CAPSL: variants seen among roughly 807,000 people sequenced by gnomAD.
CAPSL encodes the protein calcyphosine like.
Under a neutral mutation model 21.3 loss-of-function variants are expected in CAPSL, and 17 were observed. The ratio of observed to expected loss-of-function variants is 0.80; its 90% CI spans 0.55 to 1.20. CAPSL has a LOEUF of 1.20. Among genes scored for constraint, CAPSL ranks in the 50% most tolerant of loss-of-function variants. The pLI is 0.00. For missense variants in CAPSL, 289 were observed against 259.3 expected (o/e 1.11, Z -0.79); for synonymous variants, 102 against 89.3 (o/e 1.14, Z -0.80).
At chr5:35,924,621 T>A (rs1178059736) in intron 1 of CAPSL, among the ~76,000 whole-genome samples, 3 of 152,178 alleles carry the variant, frequency 2.0e-5, no homozygotes, top group Non-Finnish European at 2.9e-5. Flanking sequence ...ATAGTAAGCA[T>A]CCCTTTTAAT....
At chr5:35,927,433 A>G (rs1738714851) in intron 1 of CAPSL, among the ~76,000 whole-genome samples, 4 of 152,202 alleles carry the variant, frequency 2.6e-5, no homozygotes, top group Admixed American at 2.6e-4. Context: ...TGTGCTTTGA[A>G]AACATTTTAC....
At chr5:35,930,880 C>A (rs144614439) in intron 1 of CAPSL, among the ~76,000 whole-genome samples, 17 of 152,272 alleles carry the variant, frequency 1.1e-4, no homozygotes, top group Non-Finnish European at 1.0e-4. Context: ...AAGGAAAGTG[C>A]TGAGAGCTCT....
chr5:35,921,739 C>A (rs1231334427), intron 1 of CAPSL, among the ~76,000 whole-genome samples: 4 of 152,158 alleles, frequency 2.6e-5, no homozygotes, highest in Non-Finnish European at 5.9e-5. Flanking sequence ...AAAGCTTGCA[C>A]AACAGTGGGA....
intron 1 of CAPSL, among the ~76,000 whole-genome samples, chr5:35,931,824 C>A (rs1006797248): frequency 6.6e-6 from 1 of 152,114 alleles, no homozygotes; most frequent in Non-Finnish European, 1.5e-5. Flanking sequence ...TAAGACCAAC[C>A]AGGTAGCTTT....
chr5:35,921,422 A>G (rs146925519), intron 1 of CAPSL, among the ~76,000 whole-genome samples: 72 of 152,268 alleles, frequency 4.7e-4, no homozygotes, highest in African/African-American at 1.6e-3. Context: ...CAATTTCTCT[A>G]TACTCTCTTT....
chr5:35,906,421 G>T (rs1023866811), intron 4 of CAPSL, among the ~76,000 whole-genome samples: 2 of 152,070 alleles, frequency 1.3e-5, no homozygotes, highest in Non-Finnish European at 1.5e-5. Flanking sequence ...AATTTGACAT[G>T]AATTTCTAGG....
rs561792460 is a variant in CAPSL at position 35,915,584 on chromosome 5, A to G, written c.138-5041T>C. On this transcript the variant is annotated intron_variant, in intron 2 of 4. Coordinates refer to ENST00000651391, the MANE Select transcript of CAPSL (RefSeq NM_001042625.2). ...CGCAAATCAATAAATGTAATCCAGC[A>G]TATAAACAGAACCAACGACAAAAAC... Among the ~76,000 whole-genome samples, 566 of 152,382 alleles carry G rather than the reference A, an allele frequency of 3.7e-3. 2 individuals carry two copies. The highest frequency in any genetic ancestry group is 0.013 in the African/African-American group (546 of 41,590).
At chr5:35,922,663 A>G (rs1053370760) in intron 1 of CAPSL, among the ~76,000 whole-genome samples, 1 of 152,198 alleles carries the variant, frequency 6.6e-6, no homozygotes, top group Non-Finnish European at 1.5e-5. Context: ...TGCCAGGCAC[A>G]CACAAGGAGC....
intron 4 of CAPSL, 66 bp downstream of exon 4, chr5:35,909,800 G>A (rs1276088711): frequency 1.6e-6 from 2 of 1,265,560 alleles, no homozygotes; most frequent in South Asian, 1.4e-5. Context: ...TTAAGAGTTT[G>A]GACCTATTTC....
In CAPSL at chr5:35,910,184, G is replaced by T; in HGVS notation, c.316-109C>A. 5 of 1,147,742 alleles carry T rather than the reference G, an allele frequency of 4.4e-6. No individual in the cohort carries two copies. In the South Asian group the frequency reaches 4.7e-5, roughly 11 times the overall value. The allele number at this position is 1,147,742 out of a possible 1,614,324, so 71.1% of individuals were successfully genotyped here. On this transcript the variant is annotated intron_variant, in intron 3 of 4. Coordinates refer to ENST00000651391, the MANE Select transcript of CAPSL (RefSeq NM_001042625.2). ...CCCTCAACGATGTGAAATAATATTTGTGTGCTATTATGTAATAGACACTAC... is the reference window on the plus strand; with the variant it reads ...CCCTCAACGATGTGAAATAATATTTTTGTGCTATTATGTAATAGACACTAC...
In CAPSL at chr5:35,910,050, T is replaced by C. The variant is rs1738173149; in HGVS notation, c.341A>G (p.Glu114Gly). ...CTTTCTAAAAGCTTGCATGATTACCTCTTTTCTGGCTCTGGACATTGGAGG... is the reference window on the plus strand; with the variant it reads ...CTTTCTAAAAGCTTGCATGATTACCCCTTTTCTGGCTCTGGACATTGGAGG... ...LRPPMSRARK[E>G]VIMQAFRKLD... The change falls in exon 4 of 5, where the codon GAG (glutamate) becomes GGG (glycine). Residue 114 changes from glutamate to glycine, a missense_variant. Coordinates refer to ENST00000651391, the MANE Select transcript of CAPSL (RefSeq NM_001042625.2). 6.2e-7 allele frequency: 1 copy of C among 1,612,164 alleles called. No individual in the cohort carries two copies. Among genetic ancestry groups the C allele is most frequent in the South Asian group, 1.1e-5 (1 of 90,482 alleles).
intron 2 of CAPSL, among the ~76,000 whole-genome samples, chr5:35,916,409 C>A (rs1420861220): frequency 6.6e-6 from 1 of 152,176 alleles, no homozygotes; most frequent in Admixed American, 6.5e-5. Context: ...ATTGCCAAGA[C>A]AATCCTAAGA....
Position 35,910,520 on chromosome 5 carries a change from T to A in CAPSL, c.161A>T (p.Asp54Val). The A allele has an allele frequency of 6.2e-7, 1 of 1,608,718 alleles. No individual in the cohort carries two copies. Among genetic ancestry groups the A allele is most frequent in the Non-Finnish European group, 8.5e-7 (1 of 1,176,306 alleles). ...LGRVFRIMDD[D>V]NNRTLDFKEF... ...TTTAAAATCAAGGGTTCGATTATTA[T>A]CGTCATCCATAATTCTAAACACTCT... Residue 54 changes from aspartate (D) to valine (V), a missense_variant, in exon 3 of 5, where the codon GAT (aspartate) becomes GTT (valine). Coordinates refer to ENST00000651391, the MANE Select transcript of CAPSL (RefSeq NM_001042625.2).
Position 35,934,024 on chromosome 5 carries a change from G to A in CAPSL, c.-1+4517C>T, listed in dbSNP as rs539961758. Among the ~76,000 whole-genome samples the A allele has an allele frequency of 2.0e-5, 3 of 152,280 alleles. No individual in the cohort carries two copies. The East Asian group carries it at 5.8e-4, about 29-fold the overall frequency. ...GGCCATTTCTACAGTTCAGTGTCTT[G>A]TAATGCCATCTTCTCCCAAATGCCA... is the stretch of plus-strand genomic sequence containing the variant. On this transcript the variant is annotated intron_variant, in intron 1 of 4. Coordinates refer to ENST00000651391, the MANE Select transcript of CAPSL (RefSeq NM_001042625.2).
intron 2 of CAPSL, among the ~76,000 whole-genome samples, chr5:35,919,635 C>T (rs945424327): frequency 1.3e-5 from 2 of 152,010 alleles, no homozygotes; most frequent in Non-Finnish European, 2.9e-5. Flanking sequence ...GTGTGTATGA[C>T]CTGGGATTTG....
At chr5:35,937,351 C>T (rs1032459620) in intron 1 of CAPSL, among the ~76,000 whole-genome samples, 3 of 152,222 alleles carry the variant, frequency 2.0e-5, no homozygotes, top group African/African-American at 7.2e-5. Flanking sequence ...ATGTCTCCAG[C>T]CATTTCTAGT....
At chr5:35,935,314 C>G (rs897541048) in intron 1 of CAPSL, among the ~76,000 whole-genome samples, 4 of 151,540 alleles carry the variant, frequency 2.6e-5, no homozygotes, top group African/African-American at 9.7e-5. Flanking sequence ...CAAATCTGGT[C>G]TCCTCTGAAA....
intron 2 of CAPSL, among the ~76,000 whole-genome samples, chr5:35,913,878 T>C (rs1738298686): frequency 1.3e-5 from 2 of 152,246 alleles, no homozygotes; most frequent in Non-Finnish European, 2.9e-5. Context: ...GAAATGTAAA[T>C]GGGCTAAATG....
intron 4 of CAPSL, 41 bp downstream of exon 4, chr5:35,909,825 G>A (rs763138649): frequency 2.1e-5 from 32 of 1,517,544 alleles, no homozygotes; most frequent in Admixed American, 3.9e-5. Flanking sequence ...TTACAATTTC[G>A]AATTGAAGAA....
Sources: allele counts gnomAD v4.1 joint callset (sites outside exome capture counted in the v4.1 genomes callset), GRCh38; gene constraint gnomAD v4.1.1; transcripts MANE v1.5; gene names NCBI Gene and HGNC (gene_info 2026-07-23, HGNC 2026-07-21).